Variants in NLGN1 observed in about 807,000 individuals in gnomAD.
NLGN1 encodes neuroligin 1, also known as neuroligin-1.
NLGN1 carries 12 observed loss-of-function variants against 65.5 expected under a neutral mutation model. The ratio of observed to expected loss-of-function variants is 0.18; its 90% CI spans 0.12 to 0.30. The LOEUF (loss-of-function observed/expected upper bound fraction) is 0.30. Among genes scored for constraint, NLGN1 ranks in the 10% least tolerant of loss-of-function variants. The pLI, the probability that NLGN1 is intolerant of heterozygous loss-of-function variation, is 1.00. For missense variants in NLGN1, 750 were observed against 1,007.1 expected, an observed-to-expected ratio of 0.74 and a Z score of 3.46; for synonymous variants, 350 against 359.5, an observed-to-expected ratio of 0.97 and a Z score of 0.30.
At chr3:173,873,012 A>G (rs146879931) in intron 4 of NLGN1, among the ~76,000 whole-genome samples, 410 of 152,258 alleles carry the variant, frequency 2.7e-3, no homozygotes, top group African/African-American at 9.1e-3. Flanking sequence ...AATGTCCCCA[A>G]TGCCCAAGGT....
intron 3 of NLGN1, among the ~76,000 whole-genome samples, chr3:173,617,780 T>C (rs1049113853): frequency 1.3e-5 from 2 of 152,324 alleles, no homozygotes; most frequent in East Asian, 1.9e-4. Context: ...ATGCCGACAA[T>C]GCATTTGTGT....
intron 2 of NLGN1, among the ~76,000 whole-genome samples, chr3:173,556,953 A>AT (rs1741810650): frequency 6.6e-6 from 1 of 152,106 alleles, no homozygotes; most frequent in African/African-American, 2.4e-5. Flanking sequence ...TGCAGTTATA[A>AT]TTTTTTGTGA....
chr3:174,009,258 C>CTT, intron 4 of NLGN1, among the ~76,000 whole-genome samples: 1 of 152,160 alleles, frequency 6.6e-6, no homozygotes. Flanking sequence ...CTCCCCAAAA[C>CTT]TTTACTTCCT....
intron 4 of NLGN1, among the ~76,000 whole-genome samples, chr3:173,809,019 A>G (rs1399872808): frequency 6.6e-6 from 1 of 152,180 alleles, no homozygotes; most frequent in Admixed American, 6.5e-5. Context: ...GAGACATTTT[A>G]CCAATGTGAA....
At chr3:173,927,839 C>G (rs992637) in intron 4 of NLGN1, among the ~76,000 whole-genome samples, 20,870 of 152,070 alleles carry the variant, frequency 0.14, 1,988 homozygotes, top group East Asian at 0.36. Flanking sequence ...CTTCTGAACC[C>G]GAGAGCAGCT....
chr3:173,435,311 C>G (rs1717916688), intron 2 of NLGN1, among the ~76,000 whole-genome samples: 1 of 152,130 alleles, frequency 6.6e-6, no homozygotes, highest in South Asian at 2.1e-4. Context: ...TGAGTGTACA[C>G]TTTTTCTCCT....
rs9857263 is a variant in NLGN1, at chr3:173,501,151, G to A, written c.-321+66073G>A. On this transcript the variant is annotated intron_variant, in intron 2 of 6. Coordinates refer to ENST00000457714, the Ensembl canonical transcript of NLGN1. ...AGTTCCAGATACATGTGCAGGATGT[G>A]CAGGTTTGTTACTTAGTGCCATGGT... 2.0e-3 allele frequency among the ~76,000 whole-genome samples: 298 copies of A among 152,116 alleles called. 1 individual carries two copies. Among genetic ancestry groups the A allele is most frequent in the African/African-American group, 6.8e-3 (283 of 41,510 alleles).
intron 4 of NLGN1, among the ~76,000 whole-genome samples, chr3:173,899,633 C>A (rs1462240252): frequency 2.0e-5 from 3 of 152,008 alleles, no homozygotes; most frequent in Non-Finnish European, 4.4e-5. Flanking sequence ...ACAGGAAATC[C>A]AAATTTTCCA....
At chr3:174,232,558 A>G (rs569473587) in intron 4 of NLGN1, among the ~76,000 whole-genome samples, 2 of 152,368 alleles carry the variant, frequency 1.3e-5, no homozygotes, top group Admixed American at 6.5e-5. Context: ...TTCAGAATGA[A>G]GACTCAACTT....
chr3:173,982,991 AT>A (rs1373546098), intron 4 of NLGN1, among the ~76,000 whole-genome samples: 1 of 152,128 alleles, frequency 6.6e-6, no homozygotes, highest in Non-Finnish European at 1.5e-5. Context: ...AGAGTTCCAC[AT>A]TTTTTCTCAT....
chr3:173,462,646 C>T lies in NLGN1; in HGVS notation c.-321+27568C>T, dbSNP rs533035436. 1.5e-4 allele frequency among the ~76,000 whole-genome samples: 23 copies of T among 152,280 alleles called. No homozygotes were observed. The East Asian group carries it at 3.1e-3, about 20-fold the overall frequency. ...CTGCCTCCCAGGTGACTTTAACCTT[C>T]AGCCTTGTTACCTTGCTTTCATATC... is the stretch of plus-strand genomic sequence containing the variant. On this transcript the variant is annotated intron_variant, in intron 2 of 6. Transcript: ENST00000457714.
intron 4 of NLGN1, among the ~76,000 whole-genome samples, chr3:174,147,058 G>A (rs1052114113): frequency 1.3e-5 from 2 of 152,100 alleles, no homozygotes; most frequent in African/African-American, 2.4e-5. Flanking sequence ...ATGGTTTATC[G>A]GTATGTAGAT....
intron 4 of NLGN1, among the ~76,000 whole-genome samples, chr3:174,104,560 C>G (rs924784239): frequency 1.3e-5 from 2 of 151,842 alleles, no homozygotes; most frequent in Non-Finnish European, 2.9e-5. Flanking sequence ...AAGTTAGACA[C>G]GTAGGAACAT....
intron 3 of NLGN1, among the ~76,000 whole-genome samples, chr3:173,667,023 A>G (rs1349903449): frequency 1.3e-5 from 2 of 152,196 alleles, no homozygotes; most frequent in African/African-American, 4.8e-5. Flanking sequence ...AAGAATAAAC[A>G]TAATCACATT....
At chr3:173,793,486 G>T (rs547837530) in intron 3 of NLGN1, among the ~76,000 whole-genome samples, 4 of 152,128 alleles carry the variant, frequency 2.6e-5, no homozygotes, top group Non-Finnish European at 2.9e-5. Context: ...TGAGATGTTG[G>T]TGAGACATCC....
intron 2 of NLGN1, among the ~76,000 whole-genome samples, chr3:173,600,200 T>TCACACACACACACACACACACAC (rs1187383560): frequency 1.2e-4 from 17 of 145,098 alleles, no homozygotes; most frequent in Admixed American, 4.8e-4. Context: ...TACATGTGTG[T>TCACACACACACACACACACACAC]ACACACACAC....
At chr3:173,948,326 A>G (rs1241509009) in intron 4 of NLGN1, among the ~76,000 whole-genome samples, 4 of 152,234 alleles carry the variant, frequency 2.6e-5, no homozygotes, top group Non-Finnish European at 5.9e-5. Context: ...GCATGTAACT[A>G]AGCTGTTAGC....
chr3:173,735,408 A>G (rs1167259690), intron 3 of NLGN1, among the ~76,000 whole-genome samples: 1 of 152,140 alleles, frequency 6.6e-6, no homozygotes, highest in African/African-American at 2.4e-5. Flanking sequence ...GAGCAATGTA[A>G]AATACTAATG....
chr3:174,128,753 G>A (rs55717421), intron 4 of NLGN1, among the ~76,000 whole-genome samples: 1 of 152,008 alleles, frequency 6.6e-6, no homozygotes, highest in East Asian at 1.9e-4. Context: ...CACCTGCCTG[G>A]ACATTCAGGA....
Sources: allele counts gnomAD v4.1 joint callset (sites outside exome capture counted in the v4.1 genomes callset), GRCh38; gene constraint gnomAD v4.1.1; transcripts MANE v1.5; gene names NCBI Gene and HGNC (gene_info 2026-07-23, HGNC 2026-07-21).